Variants in ACER1 observed in about 807,000 individuals in gnomAD.
ACER1 encodes the protein CTB-180A7.3.
A neutral mutation model predicts 24.9 loss-of-function variants in ACER1; 28 were observed. The ratio of observed to expected loss-of-function variants is 1.13; its 90% CI spans 0.83 to 1.54. The LOEUF (loss-of-function observed/expected upper bound fraction) is 1.54. ACER1 is among the 40% of genes most tolerant of loss of function. The pLI is 0.00. For synonymous variants in ACER1, 132 were observed against 131.4 expected (o/e 1.00, Z -0.03); for missense variants, 352 against 349.3 (o/e 1.01, Z -0.06).
At chr19:6,358,251 A>C in the ACER1 span, among the ~76,000 whole-genome samples, 1 of 152,134 alleles carries the variant, frequency 6.6e-6, no homozygotes, top group Admixed American at 6.5e-5. Context: ...TCTGAGCCCA[A>C]ATGCCGGCTT....
intron 4 of ACER1, among the ~76,000 whole-genome samples, 162 bp downstream of exon 4, chr19:6,309,535 A>G (rs1320219402): frequency 6.6e-6 from 1 of 151,840 alleles, no homozygotes; most frequent in Non-Finnish European, 1.5e-5. Flanking sequence ...AAAAAAAATA[A>G]TAATAAGGAC....
the ACER1 span, among the ~76,000 whole-genome samples, chr19:6,357,909 G>A: frequency 6.6e-6 from 1 of 152,184 alleles, no homozygotes; most frequent in African/African-American, 2.4e-5. Flanking sequence ...AGTTGCAATG[G>A]GGAGAAGTGA....
chr19:6,325,365 G>C (rs2091656036), intron 1 of ACER1, among the ~76,000 whole-genome samples: 1 of 152,064 alleles, frequency 6.6e-6, no homozygotes, highest in Non-Finnish European at 1.5e-5. Flanking sequence ...TCCACCTCAA[G>C]ACCTTGGCCG....
At chr19:6,353,207 C>T in the ACER1 span, 1 of 151,924 alleles carries the variant, frequency 6.6e-6, no homozygotes, top group Non-Finnish European at 1.5e-5. Flanking sequence ...TGGCTTGCGC[C>T]TATAGTCTCA....
At chr19:6,318,648 T>C (rs1466457771) in intron 1 of ACER1, among the ~76,000 whole-genome samples, 10 of 139,078 alleles carry the variant, frequency 7.2e-5, no homozygotes, top group East Asian at 4.3e-4. Context: ...TAGCTGGGTG[T>C]GGTGGCAGGC....
rs887984632 is a variant in ACER1, at chr19:6,311,625, GAGGAGGAGAAGAAGAAGAAGA to G, written c.350+503_350+523del. On this transcript the variant is annotated intron_variant, in intron 3 of 5. Transcript: ENST00000301452. ...GAAGAAGAAGGAGAAGGAGAAGGAG[GAGGAGGAGAAGAAGAAGAAGA>G]AGGAGAAGGAGGAGGAGAAGGAGGA... Among the ~76,000 whole-genome samples, 14 of 148,640 alleles carry G rather than the reference GAGGAGGAGAAGAAGAAGAAGA, an allele frequency of 9.4e-5. No homozygotes were observed. In the South Asian group the frequency reaches 1.3e-3, roughly 14 times the overall value.
At chr19:6,307,930 T>C (rs1249719646) in intron 4 of ACER1, among the ~76,000 whole-genome samples, 1 of 147,060 alleles carries the variant, frequency 6.8e-6, no homozygotes, top group Non-Finnish European at 1.5e-5. Context: ...CTACTAAAAA[T>C]ACAAAAAAAA....
chr19:6,311,642 G>A (rs996290936), intron 3 of ACER1, among the ~76,000 whole-genome samples: 1 of 149,680 alleles, frequency 6.7e-6, no homozygotes, highest in Non-Finnish European at 1.5e-5. Context: ...AGAAGAAGAA[G>A]AAGAAGGAGA....
At chr19:6,310,896 A>G (rs1259459648) in intron 3 of ACER1, among the ~76,000 whole-genome samples, 1 of 149,632 alleles carries the variant, frequency 6.7e-6, no homozygotes, top group African/African-American at 2.5e-5. Flanking sequence ...AAAAAAAAGA[A>G]GAAGGAGAAG....
intron 1 of ACER1, among the ~76,000 whole-genome samples, chr19:6,331,400 CG>C (rs1311115321): frequency 6.7e-6 from 1 of 148,802 alleles, no homozygotes; most frequent in East Asian, 2.0e-4. Flanking sequence ...CCACCCCCCT[CG>C]GCCTCCCAAA....
In ACER1 at chr19:6,309,700, C is replaced by T; in HGVS notation, c.485G>A (p.Arg162Lys). 1 of 1,613,890 alleles carries T rather than the reference C, an allele frequency of 6.2e-7. No individual in the cohort carries two copies. Among genetic ancestry groups the T allele is most frequent in the Non-Finnish European group, 8.5e-7 (1 of 1,179,898 alleles). The change falls in exon 4 of 6, where the codon AGG becomes AAG. Residue 162 changes from arginine to lysine, a missense_variant. Transcript: ENST00000301452. Reference protein sequence around the residue: ...HILYIVCQEYRKTSNKELRHL... With the variant: ...HILYIVCQEYKKTSNKELRHL... Reference sequence around the variant, plus strand: ...GGCACCTGCAGCCTTCACTCACTTCCTGTACTCCTGGCACACGATGTAGAG... The same window carrying T: ...GGCACCTGCAGCCTTCACTCACTTCTTGTACTCCTGGCACACGATGTAGAG...
intron 1 of ACER1, among the ~76,000 whole-genome samples, chr19:6,325,004 C>T (rs968501971): frequency 3.9e-5 from 6 of 152,056 alleles, no homozygotes; most frequent in South Asian, 2.1e-4. Context: ...AGCAAACTGA[C>T]GGAGCCCACA....
chr19:6,347,167 G>A, the ACER1 span, among the ~76,000 whole-genome samples: 4 of 138,820 alleles, frequency 2.9e-5, no homozygotes, highest in East Asian at 2.1e-4. Context: ...AGACCCCCTC[G>A]TCCCTCAGAA....
chr19:6,337,964 A>C (rs1284299786), upstream of ACER1, among the ~76,000 whole-genome samples: 2 of 151,278 alleles, frequency 1.3e-5, no homozygotes, highest in Admixed American at 1.3e-4. Context: ...GGCGTGAGCC[A>C]CCGCGCCCAG....
intron 4 of ACER1, among the ~76,000 whole-genome samples, chr19:6,308,599 A>G (rs758060202): frequency 1.3e-5 from 2 of 152,108 alleles, no homozygotes; most frequent in Non-Finnish European, 2.9e-5. Context: ...ACTGCATAGT[A>G]TTTATTCTTA....
upstream of ACER1, among the ~76,000 whole-genome samples, chr19:6,334,717 C>T (rs1206921327): frequency 1.3e-5 from 2 of 152,026 alleles, no homozygotes; most frequent in Admixed American, 6.6e-5. Context: ...TGTTTGCTCA[C>T]CTGTCATATG....
At chr19:6,337,651 TTCTTTCTTTC>T (rs2091719702), upstream of ACER1, among the ~76,000 whole-genome samples, 1 of 121,846 alleles carries the variant, frequency 8.2e-6, no homozygotes, top group African/African-American at 3.5e-5. Context: ...TTTCTTTTCT[TTCTTTCTTTC>T]TTTTTTTTTT....
chr19:6,316,204 CAGG>C (rs1275035576), intron 1 of ACER1, among the ~76,000 whole-genome samples: 1 of 152,144 alleles, frequency 6.6e-6, no homozygotes, highest in Non-Finnish European at 1.5e-5. Flanking sequence ...GAGGCTGAGG[CAGG>C]AGAATTGCCT....
intron 1 of ACER1, among the ~76,000 whole-genome samples, chr19:6,328,242 G>A (rs1248856284): frequency 4.6e-5 from 7 of 151,832 alleles, no homozygotes; most frequent in African/African-American, 1.7e-4. Context: ...TGTAATCCCA[G>A]TACTTTGGGA....
Sources: allele counts gnomAD v4.1 joint callset (sites outside exome capture counted in the v4.1 genomes callset), GRCh38; gene constraint gnomAD v4.1.1; transcripts MANE v1.5; gene names NCBI Gene and HGNC (gene_info 2026-07-23, HGNC 2026-07-21).